LARP4B: variants seen among roughly 807,000 people sequenced by gnomAD.
LARP4B encodes la-related protein 4B.
LARP4B carries 12 observed loss-of-function variants against 89.8 expected under a neutral mutation model. That is an observed-to-expected ratio of 0.13 (90% CI 0.09 to 0.22). LARP4B has a LOEUF of 0.22. Ranked by LOEUF, LARP4B falls within the 10% of genes least tolerant of loss-of-function variation. The pLI is 1.00. For missense variants in LARP4B, 757 were observed against 947.7 expected, an observed-to-expected ratio of 0.80 and a Z score of 2.64; for synonymous variants, 367 against 363.3, an observed-to-expected ratio of 1.01 and a Z score of -0.12.
intron 8 of LARP4B, among the ~76,000 whole-genome samples, chr10:835,825 C>A (rs937837023): frequency 6.6e-6 from 1 of 151,786 alleles, no homozygotes; most frequent in Non-Finnish European, 1.5e-5. Flanking sequence ...CCCAGCTACT[C>A]GGGAGGCTGA....
intron 1 of LARP4B, among the ~76,000 whole-genome samples, chr10:913,791 C>T (rs1836741370): frequency 6.6e-6 from 1 of 152,136 alleles, no homozygotes; most frequent in African/African-American, 2.4e-5. Context: ...CGCCTGTAGT[C>T]CCAGCTACTT....
At chr10:926,769 G>C (rs892248068) in intron 1 of LARP4B, among the ~76,000 whole-genome samples, 1 of 152,204 alleles carries the variant, frequency 6.6e-6, no homozygotes, top group African/African-American at 2.4e-5. Context: ...GGGCGCAGTG[G>C]CTCACGCCTG....
chr10:890,783 T>C (rs1835994171), intron 1 of LARP4B, among the ~76,000 whole-genome samples: 1 of 152,156 alleles, frequency 6.6e-6, no homozygotes, highest in African/African-American at 2.4e-5. Flanking sequence ...CAGGTGATGT[T>C]GAAGTAACAC....
At chr10:847,677 C>A (rs1252697443) in intron 5 of LARP4B, among the ~76,000 whole-genome samples, 4 of 152,138 alleles carry the variant, frequency 2.6e-5, no homozygotes, top group Non-Finnish European at 5.9e-5. Context: ...CAGGCGCACA[C>A]CACCAGGCCC....
intron 1 of LARP4B, among the ~76,000 whole-genome samples, chr10:923,191 T>A (rs915064001): frequency 6.6e-6 from 1 of 152,222 alleles, no homozygotes; most frequent in African/African-American, 2.4e-5. Flanking sequence ...GTGGTTTAAA[T>A]GTTTTTAACC....
intron 5 of LARP4B, among the ~76,000 whole-genome samples, chr10:850,175 A>G (rs1833969694): frequency 6.6e-6 from 1 of 152,232 alleles, no homozygotes. Context: ...CTATTCTAAA[A>G]CAAATAGCAA....
At chr10:905,176 T>A (rs1836455657) in intron 1 of LARP4B, among the ~76,000 whole-genome samples, 1 of 152,194 alleles carries the variant, frequency 6.6e-6, no homozygotes, top group South Asian at 2.1e-4. Flanking sequence ...AATCTATAGT[T>A]ATAAAAATGT....
the LARP4B span, among the ~76,000 whole-genome samples, chr10:944,510 C>T: frequency 1.9e-3 from 297 of 152,324 alleles, 2 homozygotes; most frequent in African/African-American, 6.3e-3. Context: ...GGACTGACCT[C>T]GCGTTGCAAT....
Position 812,688 on chromosome 10 carries a change from A to C in LARP4B, c.*238T>G. The C allele has an allele frequency of 2.7e-6, 1 of 370,740 alleles. No homozygotes were observed. 23.0% of individuals were successfully genotyped at this position (370,740 alleles called of 1,614,324 possible). A position where few individuals can be genotyped will look rare whatever the true frequency, so the allele number is the denominator to read the frequency against. On this transcript the variant is annotated 3_prime_UTR_variant, in exon 18 of 18. Coordinates refer to ENST00000316157, the MANE Select transcript of LARP4B (RefSeq NM_015155.3). ...TATCTTGGAAAAAAAAATCAGACTTATGCATCACCTCCAGTTAAGCACCAA... is the reference window on the plus strand; with the variant it reads ...TATCTTGGAAAAAAAAATCAGACTTCTGCATCACCTCCAGTTAAGCACCAA...
chr10:869,783 C>A (rs1305053459), intron 3 of LARP4B, among the ~76,000 whole-genome samples: 1 of 151,734 alleles, frequency 6.6e-6, no homozygotes, highest in Admixed American at 6.6e-5. Flanking sequence ...ACTCGGGAGG[C>A]TGAGTCACGA....
intron 13 of LARP4B, among the ~76,000 whole-genome samples, chr10:821,137 T>C (rs1318123055): frequency 1.3e-5 from 2 of 152,236 alleles, no homozygotes; most frequent in Non-Finnish European, 2.9e-5. Flanking sequence ...TGTTAAGACA[T>C]GAGTACTGAA....
intron 3 of LARP4B, among the ~76,000 whole-genome samples, chr10:875,609 T>C (rs937812781): frequency 1.3e-5 from 2 of 152,222 alleles, no homozygotes; most frequent in African/African-American, 4.8e-5. Context: ...TTCACACAAT[T>C]CTGGAGGCTG....
At chr10:879,843 G>A (rs968596591) in intron 3 of LARP4B, among the ~76,000 whole-genome samples, 2 of 151,950 alleles carry the variant, frequency 1.3e-5, no homozygotes, top group African/African-American at 4.8e-5. Flanking sequence ...GCACTATCTC[G>A]GCTCAATGCA....
At chr10:969,008 C>T in the LARP4B span, among the ~76,000 whole-genome samples, 2 of 152,224 alleles carry the variant, frequency 1.3e-5, no homozygotes, top group South Asian at 2.1e-4. Flanking sequence ...ACACATCTTC[C>T]GTGTGCCCTT....
chr10:905,101 A>C (rs1247739485), intron 1 of LARP4B, among the ~76,000 whole-genome samples: 1 of 152,210 alleles, frequency 6.6e-6, no homozygotes, highest in Non-Finnish European at 1.5e-5. Context: ...CAAATATCCC[A>C]AACTCCAAAA....
chr10:910,652 G>A (rs1836642384), intron 1 of LARP4B, among the ~76,000 whole-genome samples: 1 of 152,338 alleles, frequency 6.6e-6, no homozygotes, highest in East Asian at 1.9e-4. Context: ...CCTTCTTTCT[G>A]CCTCTGCCTC....
At chr10:896,988 AT>A (rs58205872) in intron 1 of LARP4B, among the ~76,000 whole-genome samples, 31,305 of 137,386 alleles carry the variant, frequency 0.23, 3,002 homozygotes, top group Non-Finnish European at 0.26. Flanking sequence ...TTGTGGGAGA[AT>A]TTTTTTTTTT....
At chr10:837,933 G>A (rs1468485848) in intron 7 of LARP4B, among the ~76,000 whole-genome samples, 3 of 148,650 alleles carry the variant, frequency 2.0e-5, no homozygotes, top group Non-Finnish European at 4.5e-5. Flanking sequence ...AAAGACACTG[G>A]TAGAACAAAA....
intron 1 of LARP4B, among the ~76,000 whole-genome samples, chr10:920,523 C>T (rs1171369331): frequency 6.6e-6 from 1 of 152,212 alleles, no homozygotes; most frequent in Non-Finnish European, 1.5e-5. Flanking sequence ...CCTGTAATCC[C>T]AGCACTTTGG....
Sources: allele counts gnomAD v4.1 joint callset (sites outside exome capture counted in the v4.1 genomes callset), GRCh38; gene constraint gnomAD v4.1.1; transcripts MANE v1.5; gene names NCBI Gene and HGNC (gene_info 2026-07-23, HGNC 2026-07-21).